Variants in CNTFR observed in about 807,000 individuals in gnomAD.
CNTFR encodes ciliary neurotrophic factor receptor subunit alpha.
Under a neutral mutation model 40.4 loss-of-function variants are expected in CNTFR, and 12 were observed. The observed-to-expected ratio is 0.30, with a 90% CI of 0.19 to 0.48. The LOEUF (loss-of-function observed/expected upper bound fraction) is 0.48. Among genes scored for constraint, CNTFR ranks in the 20% least tolerant of loss-of-function variants. CNTFR has a pLI of 0.99. For missense variants in CNTFR, 414 were observed against 506.8 expected (o/e 0.82, Z 1.76); for synonymous variants, 202 against 209.6 (o/e 0.96, Z 0.31).
intron 4 of CNTFR, among the ~76,000 whole-genome samples, chr9:34,559,307 G>A (rs1362555089): frequency 6.6e-6 from 1 of 152,184 alleles, no homozygotes; most frequent in Non-Finnish European, 1.5e-5. Flanking sequence ...GGAGGGGCCT[G>A]GGGCAGAACC....
At chr9:34,590,388 G>A (rs1416991665), upstream of CNTFR, among the ~76,000 whole-genome samples, 1 of 152,164 alleles carries the variant, frequency 6.6e-6, no homozygotes, top group Non-Finnish European at 1.5e-5. Context: ...GCCGTGAGAG[G>A]AACGCGAGCC....
chr9:34,556,478 A>G, intron 6 of CNTFR, 60 bp from the exon 7 acceptor site: 1 of 1,502,400 alleles, frequency 6.7e-7, no homozygotes, highest in Non-Finnish European at 9.0e-7. Context: ...CACTTTGTCA[A>G]CTCCAGCCAC....
intron 2 of CNTFR, among the ~76,000 whole-genome samples, chr9:34,577,869 C>A (rs1827063914): frequency 6.6e-6 from 1 of 151,604 alleles, no homozygotes; most frequent in Non-Finnish European, 1.5e-5. Flanking sequence ...GCAGGGGGAG[C>A]GCGCCGAGCA....
chr9:34,551,615 G>T lies in CNTFR; in HGVS notation c.*456C>A. 1 of 317,324 alleles carries T rather than the reference G, an allele frequency of 3.2e-6. No individual in the cohort carries two copies. 19.7% of individuals were successfully genotyped at this position (317,324 alleles called of 1,614,324 possible). A position where few individuals can be genotyped will look rare whatever the true frequency, so the allele number is the denominator to read the frequency against. On this transcript the variant is annotated 3_prime_UTR_variant, in exon 10 of 10. Transcript: ENST00000378980. ...TATACAAAACAGGGCAGAGGGGAGG[G>T]GACTGAAAATTGTGGGTGCTGGGGG...
chr9:34,552,442 C>T lies in CNTFR; in HGVS notation c.950-113G>A, dbSNP rs1825671669. On this transcript the variant is annotated intron_variant, in intron 8 of 9. Transcript: ENST00000378980. The surrounding 1 kb of genome is among the most constrained non-coding windows in gnomAD (Gnocchi z 5.1). ...TGCATCAGACTGGTACTGCCTCCCCCATCAGGCAGATCCTGTTTCCCAAGG... is the reference window on the plus strand; with the variant it reads ...TGCATCAGACTGGTACTGCCTCCCCTATCAGGCAGATCCTGTTTCCCAAGG... The T allele has an allele frequency of 5.1e-6, 6 of 1,167,906 alleles. No homozygotes were observed. The highest frequency in any genetic ancestry group is 7.1e-6 in the Non-Finnish European group (6 of 846,106). The allele number at this position is 1,167,906 out of a possible 1,614,324, so 72.3% of individuals were successfully genotyped here. A position where few individuals can be genotyped will look rare whatever the true frequency, so the allele number is the denominator to read the frequency against.
At chr9:34,579,008 G>A (rs1010120309) in intron 2 of CNTFR, among the ~76,000 whole-genome samples, 1 of 152,178 alleles carries the variant, frequency 6.6e-6, no homozygotes, top group Non-Finnish European at 1.5e-5. Flanking sequence ...CGGACAGGTT[G>A]GTCACTGGAC....
chr9:34,587,675 C>T (rs889742341), intron 1 of CNTFR, among the ~76,000 whole-genome samples: 11 of 152,108 alleles, frequency 7.2e-5, no homozygotes, highest in African/African-American at 2.7e-4. Flanking sequence ...AATGTGAGCC[C>T]CATGTTCCCC....
Position 34,552,662 on chromosome 9 carries a change from G to A in CNTFR, c.949+12C>T. 1.2e-6 allele frequency: 2 copies of A among 1,611,460 alleles called. No individual in the cohort carries two copies. Among genetic ancestry groups the A allele is most frequent in the Non-Finnish European group, 1.7e-6 (2 of 1,179,610 alleles). ...CAGCAAAGCCAGGAGGTAGGGGCGG[G>A]AGCAAGCTCACCCGCAGCCTGGGCC... On this transcript the variant is annotated intron_variant, in intron 8 of 9. Transcript: ENST00000378980. This position sits in a 1 kb window ranked among gnomAD's most constrained non-coding sequence, Gnocchi z 5.1.
At chr9:34,569,426 T>G (rs1399897817) in intron 2 of CNTFR, 2 of 167,754 alleles carry the variant, frequency 1.2e-5, no homozygotes, top group Non-Finnish European at 1.3e-5. Context: ...AAAATAACTT[T>G]ACTGGTGAGG....
At chr9:34,582,885 T>G (rs7032335) in intron 1 of CNTFR, 1 of 152,072 alleles carries the variant, frequency 6.6e-6, no homozygotes, top group African/African-American at 2.4e-5. Context: ...CAGACACATA[T>G]AGACCCATCT....
chr9:34,580,114 C>G (rs1033004110), intron 2 of CNTFR: 2 of 152,256 alleles, frequency 1.3e-5, no homozygotes, highest in Admixed American at 1.3e-4. Context: ...TGTCCCGGCT[C>G]CCTAAGGTGT....
At chr9:34,580,166 C>T (rs1410125725) in intron 2 of CNTFR, 1 of 152,338 alleles carries the variant, frequency 6.6e-6, no homozygotes, top group Non-Finnish European at 1.5e-5. Context: ...AGCCCAGTAG[C>T]ACACTTTCCA....
At chr9:34,555,949 C>CCGCCATCTCCCTCCCA (rs1825818348) in intron 7 of CNTFR, among the ~76,000 whole-genome samples, 1 of 135,256 alleles carries the variant, frequency 7.4e-6, no homozygotes, top group African/African-American at 2.9e-5. Context: ...TCTCCCTCCC[C>CCGCCATCTCCCTCCCA]CACCATCTCC....
intron 2 of CNTFR, among the ~76,000 whole-genome samples, chr9:34,575,628 A>C (rs1826913840): frequency 6.6e-6 from 1 of 151,788 alleles, no homozygotes; most frequent in African/African-American, 2.4e-5. Flanking sequence ...CACACCCTTG[A>C]ATCCATACAC....
intron 1 of CNTFR, among the ~76,000 whole-genome samples, chr9:34,584,882 C>G (rs1047234846): frequency 6.6e-6 from 1 of 152,198 alleles, no homozygotes; most frequent in African/African-American, 2.4e-5. Flanking sequence ...CACTCCTTCC[C>G]TGAGTGAAGG....
intron 2 of CNTFR, chr9:34,580,207 C>T (rs1265668993): frequency 6.6e-6 from 1 of 152,288 alleles, no homozygotes; most frequent in Non-Finnish European, 1.5e-5. Flanking sequence ...CCAAGGTACC[C>T]CCCATAAATA....
intron 2 of CNTFR, among the ~76,000 whole-genome samples, chr9:34,570,502 C>T (rs1024745644): frequency 4.6e-5 from 7 of 152,148 alleles, no homozygotes; most frequent in Admixed American, 3.9e-4. Flanking sequence ...GTCTGACACA[C>T]AAGCAGAGAA....
chr9:34,553,721 G>C (rs144537256), intron 7 of CNTFR, among the ~76,000 whole-genome samples: 1 of 152,222 alleles, frequency 6.6e-6, no homozygotes, highest in Non-Finnish European at 1.5e-5. Flanking sequence ...CCATCCTGCT[G>C]GTCTCCCCCA....
intron 2 of CNTFR, 73 bp from the exon 3 acceptor site, chr9:34,569,054 G>A (rs1167869767): frequency 7.2e-7 from 1 of 1,396,968 alleles, no homozygotes; most frequent in African/African-American, 1.4e-5. Flanking sequence ...AGCCCCTCCT[G>A]TTCTCAGGCA....
Sources: allele counts gnomAD v4.1 joint callset (sites outside exome capture counted in the v4.1 genomes callset), GRCh38; gene constraint gnomAD v4.1.1; non-coding constraint Gnocchi (gnomAD v3.1); transcripts MANE v1.5; gene names NCBI Gene and HGNC (gene_info 2026-07-23, HGNC 2026-07-21).